The following TP63 variants were observed in gnomAD, a reference collection of about 807,000 sequenced individuals.
TP63 encodes the protein tumor protein 63.
In TP63, 17 loss-of-function variants were observed where a neutral mutation model predicts 82.8. The observed-to-expected ratio is 0.21, with a 90% CI of 0.14 to 0.31. TP63 has a LOEUF of 0.31. TP63 is among the 10% of genes least tolerant of loss of function. TP63 has a pLI of 1.00. For synonymous variants in TP63, 330 were observed against 321.7 expected, an observed-to-expected ratio of 1.03 and a Z score of -0.28; for missense variants, 648 against 895.3, an observed-to-expected ratio of 0.72 and a Z score of 3.52.
chr3:189,880,230 T>C (rs1719763920), intron 10 of TP63: 9 of 1,590,490 alleles, frequency 5.7e-6, no homozygotes, highest in Non-Finnish European at 7.7e-6. Context: ...TGTGTATATG[T>C]GAGTGTGTGT....
At chr3:189,725,685 A>T (rs773516766) in intron 1 of TP63, among the ~76,000 whole-genome samples, 4 of 151,720 alleles carry the variant, frequency 2.6e-5, no homozygotes, top group South Asian at 2.1e-4. Context: ...GAGTGTGTGA[A>T]TTCTCAGCTT....
At chr3:189,706,281 G>GA (rs1203115350) in intron 1 of TP63, among the ~76,000 whole-genome samples, 1 of 151,716 alleles carries the variant, frequency 6.6e-6, no homozygotes, top group Non-Finnish European at 1.5e-5. Context: ...TTTTGAGACG[G>GA]AGTCTTCCTC....
intron 4 of TP63, 104 bp from the exon 5 acceptor site, chr3:189,864,128 C>T (rs1717394806): frequency 6.9e-7 from 1 of 1,439,104 alleles, no homozygotes; most frequent in Non-Finnish European, 9.8e-7. Context: ...AGGCAGCATG[C>T]AGCTCTAAAA....
intron 3 of TP63, chr3:189,789,879 G>T: frequency 6.7e-7 from 1 of 1,496,840 alleles, no homozygotes; most frequent in Non-Finnish European, 8.9e-7. Context: ...ATTTAGAGAT[G>T]CTTTTTAATT....
At chr3:189,710,237 G>T (rs1039767572) in intron 1 of TP63, among the ~76,000 whole-genome samples, 2 of 152,100 alleles carry the variant, frequency 1.3e-5, no homozygotes, top group African/African-American at 4.8e-5. Flanking sequence ...AGGCCTAGGG[G>T]ATAGATATTA....
chr3:189,765,880 A>C (rs1722925981), intron 3 of TP63, among the ~76,000 whole-genome samples: 1 of 152,088 alleles, frequency 6.6e-6, no homozygotes, highest in South Asian at 2.1e-4. Flanking sequence ...TAGTTTCCTT[A>C]TGGGTGAAAG....
chr3:189,798,250 T>G (rs902044524), intron 3 of TP63, among the ~76,000 whole-genome samples: 1 of 152,130 alleles, frequency 6.6e-6, no homozygotes, highest in African/African-American at 2.4e-5. Context: ...AGCCGACATA[T>G]TATACAAGCC....
At chr3:189,737,656 T>C in intron 1 of TP63, 84 bp from the exon 2 acceptor site, 18 of 1,495,368 alleles carry the variant, frequency 1.2e-5, no homozygotes, top group Non-Finnish European at 1.7e-5. Context: ...CTTGATGTTT[T>C]CATGATAGAG....
chr3:189,694,402 A>C (rs762847135), intron 1 of TP63, among the ~76,000 whole-genome samples: 1 of 152,134 alleles, frequency 6.6e-6, no homozygotes, highest in Non-Finnish European at 1.5e-5. Context: ...CCAAGACCTT[A>C]TTCAGAATAC....
At chr3:189,616,674 T>G in the TP63 span, among the ~76,000 whole-genome samples, 1 of 152,364 alleles carries the variant, frequency 6.6e-6, no homozygotes, top group South Asian at 2.1e-4. Flanking sequence ...GGTTGACTTA[T>G]GCTTGGTTGA....
At chr3:189,717,566 T>C (rs1214356771) in intron 1 of TP63, among the ~76,000 whole-genome samples, 1 of 152,202 alleles carries the variant, frequency 6.6e-6, no homozygotes, top group African/African-American at 2.4e-5. Flanking sequence ...ACTAAAAATA[T>C]GACCTCACAA....
At chr3:189,828,980 C>T (rs576488268) in intron 4 of TP63, among the ~76,000 whole-genome samples, 3 of 152,252 alleles carry the variant, frequency 2.0e-5, no homozygotes, top group African/African-American at 7.2e-5. Context: ...ATGTATTTGG[C>T]CTTTGACTCG....
At chr3:189,673,022 G>A (rs1715064134) in intron 1 of TP63, among the ~76,000 whole-genome samples, 1 of 152,052 alleles carries the variant, frequency 6.6e-6, no homozygotes, top group African/African-American at 2.4e-5. Flanking sequence ...TGTATTTTTA[G>A]TAGGGACAGG....
At chr3:189,825,667 T>C (rs1384857173) in intron 4 of TP63, among the ~76,000 whole-genome samples, 1 of 152,238 alleles carries the variant, frequency 6.6e-6, no homozygotes, top group Non-Finnish European at 1.5e-5. Flanking sequence ...CTCTATTCTT[T>C]CCCTTTATCA....
chr3:189,787,051 A>G (rs1354820746), intron 3 of TP63, among the ~76,000 whole-genome samples: 1 of 152,056 alleles, frequency 6.6e-6, no homozygotes, highest in Non-Finnish European at 1.5e-5. Context: ...CTTTTATGGA[A>G]ATGTTTGTGC....
chr3:189,612,091 G>C, the TP63 span, among the ~76,000 whole-genome samples: 141,443 of 152,264 alleles, frequency 0.93, 66,606 homozygotes, highest in East Asian at 1. Flanking sequence ...CGTTTGCCTT[G>C]TTCTCTTTCT....
intron 1 of TP63, among the ~76,000 whole-genome samples, chr3:189,663,282 G>T (rs1431252638): frequency 7.1e-6 from 1 of 140,640 alleles, no homozygotes; most frequent in African/African-American, 2.5e-5. Context: ...AAGGACTTCA[G>T]AGTTATCAAG....
intron 1 of TP63, among the ~76,000 whole-genome samples, chr3:189,720,937 G>T (rs1719342849): frequency 6.6e-6 from 1 of 152,136 alleles, no homozygotes; most frequent in Non-Finnish European, 1.5e-5. Context: ...TGCACCACTG[G>T]ACAGCTGGAG....
intron 10 of TP63, among the ~76,000 whole-genome samples, chr3:189,875,641 C>CA (rs1719123339): frequency 2.3e-5 from 1 of 44,122 alleles, no homozygotes; most frequent in Non-Finnish European, 4.8e-5. Flanking sequence ...TATATATAAA[C>CA]TATTCTTAGC....
Sources: allele counts gnomAD v4.1 joint callset (sites outside exome capture counted in the v4.1 genomes callset), GRCh38; gene constraint gnomAD v4.1.1; transcripts MANE v1.5; gene names NCBI Gene and HGNC (gene_info 2026-07-23, HGNC 2026-07-21).